The following IFNLR1 variants were observed in gnomAD, a reference collection of about 807,000 sequenced individuals.
IFNLR1 encodes CRF2-12.
A neutral mutation model predicts 52.5 loss-of-function variants in IFNLR1; 28 were observed. The observed-to-expected ratio is 0.53, with a 90% CI of 0.40 to 0.73. The LOEUF (loss-of-function observed/expected upper bound fraction) is 0.73. Among genes scored for constraint, IFNLR1 ranks in the 30% least tolerant of loss-of-function variants. The pLI, the probability that IFNLR1 is intolerant of heterozygous loss-of-function variation, is 0.00. For synonymous variants in IFNLR1, 276 were observed against 274.9 expected, an observed-to-expected ratio of 1.00 and a Z score of -0.04; for missense variants, 623 against 659.1, an observed-to-expected ratio of 0.95 and a Z score of 0.60.
intron 1 of IFNLR1, among the ~76,000 whole-genome samples, chr1:24,184,882 G>T (rs2148605244): frequency 6.6e-6 from 1 of 152,228 alleles, no homozygotes; most frequent in East Asian, 1.9e-4. Flanking sequence ...AGTTGGGCAT[G>T]GTGGCACACG....
chr1:24,167,282 A>T (rs1644529954), intron 3 of IFNLR1, among the ~76,000 whole-genome samples: 2 of 152,188 alleles, frequency 1.3e-5, no homozygotes, highest in African/African-American at 4.8e-5. Context: ...AGACAGAATC[A>T]CACCACAAGC....
At chr1:24,167,994 G>A (rs1425235152) in intron 3 of IFNLR1, among the ~76,000 whole-genome samples, 3 of 152,154 alleles carry the variant, frequency 2.0e-5, no homozygotes, top group African/African-American at 7.2e-5. Context: ...ACCGCGCCCG[G>A]CTGGCCTCCT....
intron 1 of IFNLR1, among the ~76,000 whole-genome samples, chr1:24,182,456 G>C (rs1467078960): frequency 6.6e-6 from 1 of 152,144 alleles, no homozygotes; most frequent in Non-Finnish European, 1.5e-5. Flanking sequence ...TCACATTTCA[G>C]ATTTGTGAAT....
chr1:24,162,864 T>TTCCTTCCTTCCTTCC (rs1644472692), intron 3 of IFNLR1, among the ~76,000 whole-genome samples: 1 of 74,836 alleles, frequency 1.3e-5, no homozygotes, highest in African/African-American at 6.2e-5. Flanking sequence ...TCTTTCTTTC[T>TTCCTTCCTTCCTTCC]TTCTTTCTTT....
At position 24,162,872 on chromosome 1, in the gene IFNLR1, T is replaced by TCTCCTTCCTTCCTTCCTTCC. The variant is rs1644474002; in HGVS notation, c.368-1189_368-1188insGGAAGGAAGGAAGGAAGGAG. Among the ~76,000 whole-genome samples, 4 of 40,122 alleles carry TCTCCTTCCTTCCTTCCTTCC rather than the reference T, an allele frequency of 1.0e-4. 1 individual carries two copies. Among genetic ancestry groups the TCTCCTTCCTTCCTTCCTTCC allele is most frequent in the Non-Finnish European group, 1.8e-4 (4 of 22,704 alleles). The allele number at this position is 40,122 out of a possible 152,430, so 26.3% of individuals were successfully genotyped here. A position where few individuals can be genotyped will look rare whatever the true frequency, so the allele number is the denominator to read the frequency against. Reference sequence around the variant, plus strand: ...CTTTCTTTCTTTCTTTCTTTCTTTCTTTCTTTCCTTCCTTCCTTCCTTCCT... The same window carrying TCTCCTTCCTTCCTTCCTTCC: ...CTTTCTTTCTTTCTTTCTTTCTTTCTCTCCTTCCTTCCTTCCTTCCTTCTTTCCTTCCTTCCTTCCTTCCT... On this transcript the variant is annotated intron_variant, in intron 3 of 6. Transcript: ENST00000327535.
intron 3 of IFNLR1, among the ~76,000 whole-genome samples, chr1:24,167,165 G>A (rs978429058): frequency 2.0e-5 from 3 of 152,150 alleles, no homozygotes; most frequent in Admixed American, 6.5e-5. Flanking sequence ...CCTGTTCTCC[G>A]GCATTTGGAC....
rs1409633296 is a variant in IFNLR1 at position 24,162,777 on chromosome 1, TTTTTCTTTC to T, written c.368-1102_368-1094del. 8.2e-3 allele frequency among the ~76,000 whole-genome samples: 246 copies of T among 30,092 alleles called. 14 individuals are homozygous for T. The highest frequency in any genetic ancestry group is 9.7e-3 in the Non-Finnish European group (152 of 15,608). The allele number at this position is 30,092 out of a possible 152,430, so 19.7% of individuals were successfully genotyped here. ...CTTTCTTTCTTTCTTTCTTTCTTTC[TTTTTCTTTC>T]TTTTTCTTTCTTTCTTTTTTCTTTC... is the stretch of plus-strand genomic sequence containing the variant. On this transcript the variant is annotated intron_variant, in intron 3 of 6. Coordinates refer to ENST00000327535, the MANE Select transcript of IFNLR1 (RefSeq NM_170743.4).
At chr1:24,161,429 G>A in intron 4 of IFNLR1, 113 bp downstream of exon 4, 1 of 1,241,570 alleles carries the variant, frequency 8.1e-7, no homozygotes, top group Non-Finnish European at 1.2e-6. Flanking sequence ...GGAGTGTACA[G>A]GGAAGACTTC....
At chr1:24,162,879 CCTTCCT>C in intron 3 of IFNLR1, among the ~76,000 whole-genome samples, 1 of 53,590 alleles carries the variant, frequency 1.9e-5, no homozygotes, top group Non-Finnish European at 3.6e-5. Flanking sequence ...TTCTTTCTTT[CCTTCCT>C]TCCTTCCTTC....
chr1:24,160,587 C>T (rs987562325), intron 4 of IFNLR1, among the ~76,000 whole-genome samples: 8 of 152,136 alleles, frequency 5.3e-5, no homozygotes, highest in East Asian at 1.9e-4. Context: ...GCAGGAACCA[C>T]GCTGGATTCG....
At chr1:24,180,679 C>CCCCCCCCCCCCCCCCCGCTTTCCCA in intron 2 of IFNLR1, 52 bp downstream of exon 2, 1 of 1,158,228 alleles carries the variant, frequency 8.6e-7, no homozygotes, top group Non-Finnish European at 1.2e-6. Context: ...CCCTCCAGCC[C>CCCCCCCCCCCCCCCCCGCTTTCCCA]CCACCCACCC....
intron 3 of IFNLR1, among the ~76,000 whole-genome samples, chr1:24,167,120 A>C (rs1257077421): frequency 1.3e-5 from 2 of 152,248 alleles, no homozygotes; most frequent in African/African-American, 4.8e-5. Flanking sequence ...CTGAGCTGGC[A>C]CATCAACTTC....
chr1:24,162,868 TTTCTTTCTTTCCTTCC>T (rs1644473617), intron 3 of IFNLR1, among the ~76,000 whole-genome samples: 4 of 58,016 alleles, frequency 6.9e-5, no homozygotes, highest in African/African-American at 1.7e-4. Flanking sequence ...TCTTTCTTTC[TTTCTTTCTTTCCTTCC>T]TTCCTTCCTT....
chr1:24,162,050 C>A (rs1162967255), intron 3 of IFNLR1, among the ~76,000 whole-genome samples: 2 of 152,150 alleles, frequency 1.3e-5, no homozygotes, highest in African/African-American at 4.8e-5. Flanking sequence ...AATTACCACA[C>A]ACACAGTGCC....
At chr1:24,163,322 C>T (rs970262941) in intron 3 of IFNLR1, among the ~76,000 whole-genome samples, 1 of 152,204 alleles carries the variant, frequency 6.6e-6, no homozygotes, top group East Asian at 1.9e-4. Context: ...ATGGGGGCAG[C>T]GTTCTTAAGG....
At chr1:24,162,714 TCTTTCTTTCTTTTC>T (rs1557643672) in intron 3 of IFNLR1, among the ~76,000 whole-genome samples, 1 of 30,790 alleles carries the variant, frequency 3.2e-5, no homozygotes. Context: ...TTCTTTTCTT[TCTTTCTTTCTTTTC>T]TTTCTTTCTT....
At chr1:24,159,212 A>T in intron 5 of IFNLR1, 30 bp from the exon 6 acceptor site, 1 of 1,612,772 alleles carries the variant, frequency 6.2e-7, no homozygotes, top group Non-Finnish European at 8.5e-7. Context: ...AATGAGAGAA[A>T]CAACAATGGC....
At chr1:24,180,691 C>CCCCAGAA in intron 2 of IFNLR1, 40 bp downstream of exon 2, 1 of 1,437,896 alleles carries the variant, frequency 7.0e-7, no homozygotes, top group Non-Finnish European at 9.5e-7. Flanking sequence ...CACCCACCCC[C>CCCCAGAA]TCAGTCTTCC....
intron 2 of IFNLR1, among the ~76,000 whole-genome samples, chr1:24,176,992 T>C (rs534713682): frequency 6.6e-6 from 1 of 152,070 alleles, no homozygotes; most frequent in South Asian, 2.1e-4. Flanking sequence ...AACAAGAGAA[T>C]AGAACAAATA....
Sources: allele counts gnomAD v4.1 joint callset (sites outside exome capture counted in the v4.1 genomes callset), GRCh38; gene constraint gnomAD v4.1.1; transcripts MANE v1.5; gene names NCBI Gene and HGNC (gene_info 2026-07-23, HGNC 2026-07-21).